The following AMBN variants were observed in gnomAD, a reference collection of about 807,000 sequenced individuals.
The protein encoded by AMBN is enamel matrix protein.
In AMBN, 54 loss-of-function variants were observed where a neutral mutation model predicts 48.0. The observed-to-expected ratio is 1.12, with a 90% CI of 0.90 to 1.41. The LOEUF is 1.41. Among genes scored for constraint, AMBN ranks in the 40% most tolerant of loss-of-function variants. The pLI is 0.00. For missense variants in AMBN, 571 were observed against 547.3 expected (o/e 1.04, Z -0.43); for synonymous variants, 186 against 190.0 (o/e 0.98, Z 0.17).
chr4:70,604,368 G>A (rs547160561), intron 12 of AMBN, among the ~76,000 whole-genome samples: 6 of 152,218 alleles, frequency 3.9e-5, no homozygotes, highest in African/African-American at 1.4e-4. Context: ...AGTTTAAAAT[G>A]TGATTATTAT....
chr4:70,599,701 C>T, intron 5 of AMBN, 55 bp downstream of exon 5: 1 of 1,325,462 alleles, frequency 7.5e-7, no homozygotes, highest in South Asian at 1.3e-5. Context: ...CCTCTTCTTA[C>T]TTGCCTTCTT....
In AMBN at chr4:70,602,747, A is replaced by G. The variant is rs1737551197; in HGVS notation, c.571-51A>G. 3 of 1,485,224 alleles carry G rather than the reference A, an allele frequency of 2.0e-6. No individual in the cohort carries two copies. The Admixed American group carries it at 6.4e-5, about 32-fold the overall frequency. The allele number at this position is 1,485,224 out of a possible 1,614,324, so 92.0% of individuals were successfully genotyped here. A position where few individuals can be genotyped will look rare whatever the true frequency, so the allele number is the denominator to read the frequency against. ...ACTTTTTTATTTTTATTTGTATTTA[A>G]CTACTTTGTTCATTTTTTACTGATA... On this transcript the variant is annotated intron_variant, in intron 7 of 12. Coordinates refer to ENST00000322937, the MANE Select transcript of AMBN (RefSeq NM_016519.6).
At position 70,604,020 on chromosome 4, in the gene AMBN, G is replaced by A. The variant is rs1364652267; in HGVS notation, c.798+99G>A. 3 of 1,193,338 alleles carry A rather than the reference G, an allele frequency of 2.5e-6. No homozygotes were observed. In the Admixed American group the frequency reaches 5.7e-5, roughly 23 times the overall value. 73.9% of individuals were successfully genotyped at this position (1,193,338 alleles called of 1,614,324 possible). ...ACGTCTGCCATGAATGTAGCCAAAT[G>A]AGCATGGGACTCAGATTTTTCCACT... is the stretch of plus-strand genomic sequence containing the variant. On this transcript the variant is annotated intron_variant, in intron 12 of 12. Transcript: ENST00000322937.
At chr4:70,605,993 G>A (rs1018075008) in intron 12 of AMBN, among the ~76,000 whole-genome samples, 192 bp from the exon 13 acceptor site, 1 of 152,104 alleles carries the variant, frequency 6.6e-6, no homozygotes, top group African/African-American at 2.4e-5. Context: ...ACCCAGATAA[G>A]TGCAGAATCC....
Position 70,603,887 on chromosome 4 carries a change from C to T in AMBN, c.764C>T (p.Ala255Val), listed in dbSNP as rs7439186. The change falls in exon 12 of 13, where the codon GCC (alanine) becomes GTC (valine). Residue 255 changes from alanine to valine, a missense_variant. Transcript: ENST00000322937. ...PFGANQLNAP[A>V]RLGIMSSEEV... is the part of the protein sequence containing the mutation. ...TTTCTTTTTGAACAGAATGCCCCTG[C>T]CAGACTTGGCATCATGAGTTCAGAA... The T allele has an allele frequency of 0.073, 117,082 of 1,613,484 alleles. 4,839 individuals carry two copies. Among genetic ancestry groups the T allele is most frequent in the African/African-American group, 0.14 (10,685 of 74,952 alleles).
chr4:70,593,218 C>T (rs996107394), intron 1 of AMBN, 109 bp from the exon 2 acceptor site: 7 of 768,958 alleles, frequency 9.1e-6, no homozygotes, highest in South Asian at 3.7e-5. Flanking sequence ...ACCTTTATCC[C>T]GGTGGTTTTT....
At position 70,606,820 on chromosome 4, in the gene AMBN, T is replaced by C; in HGVS notation, c.*90T>C. Reference sequence around the variant, plus strand: ...CTTTTTGCTAAAACACTTATTACCCTTCTGCAGCAAAGGCATTAAAAGCGC... The same window carrying C: ...CTTTTTGCTAAAACACTTATTACCCCTCTGCAGCAAAGGCATTAAAAGCGC... On this transcript the variant is annotated 3_prime_UTR_variant, in exon 13 of 13. Coordinates refer to ENST00000322937, the MANE Select transcript of AMBN (RefSeq NM_016519.6). 1 of 1,397,674 alleles carries C rather than the reference T, an allele frequency of 7.2e-7. No homozygotes were observed. The highest frequency in any genetic ancestry group is 9.6e-7 in the Non-Finnish European group (1 of 1,042,952). 86.6% of individuals were successfully genotyped at this position (1,397,674 alleles called of 1,614,324 possible). A position where few individuals can be genotyped will look rare whatever the true frequency, so the allele number is the denominator to read the frequency against.
At chr4:70,606,162 T>C in intron 12 of AMBN, 23 bp from the exon 13 acceptor site, 1 of 1,611,896 alleles carries the variant, frequency 6.2e-7, no homozygotes, top group East Asian at 2.2e-5. Context: ...GATGGCATCT[T>C]TGACGAATGT....
rs958613412 is a variant in AMBN at position 70,606,747 on chromosome 4, G to A, written c.*17G>A. 1 of 1,590,542 alleles carries A rather than the reference G, an allele frequency of 6.3e-7. No individual in the cohort carries two copies. The highest frequency in any genetic ancestry group is 2.2e-5 in the East Asian group (1 of 44,636). Reference sequence around the variant, plus strand: ...GAGCCCTGACAGCTCTAAGATATTAGCTACTTTCTGTATGCACAAGCTTCC... The same window carrying A: ...GAGCCCTGACAGCTCTAAGATATTAACTACTTTCTGTATGCACAAGCTTCC... On this transcript the variant is annotated 3_prime_UTR_variant, in exon 13 of 13. Coordinates refer to ENST00000322937, the MANE Select transcript of AMBN (RefSeq NM_016519.6).
At chr4:70,596,149 G>A (rs779605432) in intron 2 of AMBN, among the ~76,000 whole-genome samples, 17 of 151,954 alleles carry the variant, frequency 1.1e-4, no homozygotes, top group Non-Finnish European at 2.1e-4. Context: ...AATTAGCCGG[G>A]CTTGGTGGTG....
At chr4:70,604,992 TAAAA>T (rs67400307) in intron 12 of AMBN, among the ~76,000 whole-genome samples, 306 of 145,056 alleles carry the variant, frequency 2.1e-3, no homozygotes, top group African/African-American at 3.1e-3. Flanking sequence ...GACCCTGCCT[TAAAA>T]AAAAAAAAAA....
At position 70,598,372 on chromosome 4, in the gene AMBN, G is replaced by A; in HGVS notation, c.152G>A (p.Gly51Glu). 6.3e-7 allele frequency: 1 copy of A among 1,585,318 alleles called. No individual in the cohort carries two copies. Among genetic ancestry groups the A allele is most frequent in the Non-Finnish European group, 8.6e-7 (1 of 1,165,502 alleles). ...SLSLETMRQL[G>E]SLQRLNTLSQ... ...TCTTGATAGACAATGAGACAGTTGG[G>A]AAGTCTGCAGAGATTAAACACACTT... Residue 51 changes from glycine (G) to glutamate (E), a missense_variant, in exon 4 of 13, where the codon GGA becomes GAA. Physicochemically the swap from Gly to Glu is moderately conservative, Grantham distance 98. Coordinates refer to ENST00000322937, the MANE Select transcript of AMBN (RefSeq NM_016519.6).
chr4:70,593,668 C>A (rs907556740), intron 2 of AMBN, among the ~76,000 whole-genome samples: 3 of 152,044 alleles, frequency 2.0e-5, no homozygotes, highest in Admixed American at 6.6e-5. Flanking sequence ...AGCTTGAGAC[C>A]AGCCTAGCCA....
At chr4:70,603,594 T>A in intron 11 of AMBN, 134 bp downstream of exon 11, 1 of 940,040 alleles carries the variant, frequency 1.1e-6, no homozygotes, top group Non-Finnish European at 1.6e-6. Flanking sequence ...ACTGAAATAT[T>A]AAGGAGGCAA....
intron 9 of AMBN, 41 bp from the exon 10 acceptor site, chr4:70,603,219 T>C (rs1164959460): frequency 2.5e-6 from 4 of 1,580,422 alleles, no homozygotes; most frequent in South Asian, 1.1e-5. Context: ...TATGGGGATG[T>C]GCCTGTGAGA....
intron 2 of AMBN, among the ~76,000 whole-genome samples, chr4:70,596,034 A>C (rs755785755): frequency 7.2e-5 from 11 of 152,062 alleles, no homozygotes; most frequent in Non-Finnish European, 1.5e-4. Context: ...TCACATCTGT[A>C]ATCCCAGCAC....
At chr4:70,605,976 G>A (rs577891390) in intron 12 of AMBN, among the ~76,000 whole-genome samples, 17 of 152,092 alleles carry the variant, frequency 1.1e-4, no homozygotes, top group Middle Eastern at 3.4e-3. Context: ...AAATCATGCC[G>A]AGATCCACCC....
At chr4:70,603,768 C>G in intron 11 of AMBN, 109 bp from the exon 12 acceptor site, 1 of 1,173,712 alleles carries the variant, frequency 8.5e-7, no homozygotes, top group Non-Finnish European at 1.2e-6. Context: ...CCTCTGTACA[C>G]AGCATTAATA....
intron 7 of AMBN, 29 bp downstream of exon 7, chr4:70,602,691 C>G (rs1451561871): frequency 3.3e-6 from 5 of 1,534,254 alleles, no homozygotes; most frequent in Non-Finnish European, 4.4e-6. Flanking sequence ...GAGACACTTT[C>G]TGTATTTTAT....
Sources: allele counts gnomAD v4.1 joint callset (sites outside exome capture counted in the v4.1 genomes callset), GRCh38; gene constraint gnomAD v4.1.1; transcripts MANE v1.5; gene names NCBI Gene and HGNC (gene_info 2026-07-23, HGNC 2026-07-21).